The following COL5A3 variants were observed in gnomAD, a reference collection of about 807,000 sequenced individuals.
COL5A3 encodes collagen alpha-3(V) chain.
In COL5A3, 172 loss-of-function variants were observed where a neutral mutation model predicts 250.0. That is an observed-to-expected ratio of 0.69 (90% CI 0.61 to 0.78). COL5A3 has a LOEUF of 0.78. COL5A3 is among the 30% of genes least tolerant of loss of function. The pLI is 0.00. For synonymous variants in COL5A3, 937 were observed against 900.4 expected, an observed-to-expected ratio of 1.04 and a Z score of -0.73; for missense variants, 2,340 against 2,334.4, an observed-to-expected ratio of 1.00 and a Z score of -0.05.
chr19:9,989,174 G>A lies in COL5A3; in HGVS notation c.2095C>T (p.Pro699Ser), dbSNP rs199960060. ...GPTGEKGAQG[P>S]PGSAGPPGYP... ...CCCGGAGGGCCTGCCGACCCTGGTG[G>A]ACCCTGGGAGGAAAATAAGGTCAGT... The change falls in exon 27 of 67, where the codon CCA (proline) becomes TCA (serine). Residue 699 changes from proline to serine, a missense_variant. By Grantham distance (74) the Pro-to-Ser change is moderately conservative. Coordinates refer to ENST00000264828, the MANE Select transcript of COL5A3 (RefSeq NM_015719.4). 4.5e-5 allele frequency: 72 copies of A among 1,614,162 alleles called. No individual in the cohort carries two copies. The East Asian group carries it at 1.5e-3, about 33-fold the overall frequency.
rs1568428080 is a variant in COL5A3 at position 9,997,294 on chromosome 19, C to G, written c.1263+77G>C. 59 of 1,117,428 alleles carry G rather than the reference C, an allele frequency of 5.3e-5. No homozygotes were observed. The South Asian group carries it at 6.0e-4, about 11-fold the overall frequency. The allele number at this position is 1,117,428 out of a possible 1,614,324, so 69.2% of individuals were successfully genotyped here. ...GTTCCCGAGTGCCACACCCTCATAT[C>G]TATGTTCAGACTGTCACGCTCCCAG... On this transcript the variant is annotated intron_variant, in intron 11 of 66. Transcript: ENST00000264828.
chr19:9,973,520 T>G (rs2086880534), intron 50 of COL5A3, 50 bp downstream of exon 50: 1 of 1,577,424 alleles, frequency 6.3e-7, no homozygotes, highest in Admixed American at 1.7e-5. Context: ...TGCCCAGGGG[T>G]CAGGGGTTCC....
rs966088925 is a variant in COL5A3, at chr19:9,967,483, TCA to T, written c.4405-85_4405-84del. The T allele has an allele frequency of 2.5e-4, 206 of 812,098 alleles. 2 individuals carry two copies. The highest frequency in any genetic ancestry group is 7.3e-4 in the Middle Eastern group (3 of 4,122). 50.3% of individuals were successfully genotyped at this position (812,098 alleles called of 1,614,324 possible). On this transcript the variant is annotated intron_variant, in intron 61 of 66. Transcript: ENST00000264828. ...CATACACACAAACACACACACACAC[TCA>T]CACACACACTCACACACACACAGTC...
rs770181409 is a variant in COL5A3, at chr19:9,971,023, T to C, written c.3834A>G (p.Ile1278Met). 1 of 1,537,916 alleles carries C rather than the reference T, an allele frequency of 6.5e-7. No homozygotes were observed. Among genetic ancestry groups the C allele is most frequent in the Admixed American group, 2.2e-5 (1 of 45,744 alleles). The change falls in exon 53 of 67, where the codon ATA (isoleucine) becomes ATG (methionine). Residue 1278 changes from isoleucine to methionine, a missense_variant. Transcript: ENST00000264828. The stretch of plus-strand genomic sequence containing the variant: ...CTCCCTTCTCCCCTGGGGAACCATC[T>C]ATGCCCTGCATGGGGGGAAGACAGA... ...GPPGDPGVSG[I>M]DGSPGEKGDP...
rs142090102 is a variant in COL5A3, at chr19:9,993,080, G to A, written c.1750-13C>T. The A allele has an allele frequency of 2.3e-4, 371 of 1,613,628 alleles. No homozygotes were observed. The African/African-American group carries it at 3.9e-3, about 17-fold the overall frequency. On this transcript the variant is annotated splice_polypyrimidine_tract_variant and intron_variant, in intron 19 of 66. Transcript: ENST00000264828. ...GTCCCTCTGCTCCCTGTGGAAAAGC[G>A]TCATTACTTGGGAACAGGAAGGTAC... is the stretch of plus-strand genomic sequence containing the variant.
intron 41 of COL5A3, 37 bp from the exon 42 acceptor site, chr19:9,977,738 T>C (rs779295146): frequency 1.1e-5 from 16 of 1,462,342 alleles, no homozygotes; most frequent in Non-Finnish European, 1.1e-5. Flanking sequence ...ATAATACCAG[T>C]AGTAGCTGTC....
intron 1 of COL5A3, 89 bp from the exon 2 acceptor site, chr19:10,006,320 T>C: frequency 7.8e-7 from 1 of 1,279,698 alleles, no homozygotes. Context: ...TCAGGGTTTT[T>C]TTAGGGGGCT....
At chr19:9,966,790 G>T in intron 62 of COL5A3, 44 bp from the exon 63 acceptor site, 1 of 1,385,510 alleles carries the variant, frequency 7.2e-7, no homozygotes, top group Non-Finnish European at 9.8e-7. Context: ...GGAGATGGGG[G>T]AGGGAGAGAG....
In COL5A3 at chr19:9,966,437, GC is replaced by G; in HGVS notation, c.4670-12del. 6.3e-7 allele frequency: 1 copy of G among 1,587,068 alleles called. No individual in the cohort carries two copies. The highest frequency in any genetic ancestry group is 8.6e-7 in the Non-Finnish European group (1 of 1,162,984). ...CAATCCAGTATTCCCCTGCCGCAGA[GC>G]CAGGCAGGGTGGGTGAGTCCGGATG... On this transcript the variant is annotated splice_polypyrimidine_tract_variant and intron_variant, in intron 63 of 66. Transcript: ENST00000264828.
chr19:9,979,470 G>A, intron 37 of COL5A3, 53 bp from the exon 38 acceptor site: 1 of 1,587,686 alleles, frequency 6.3e-7, no homozygotes, highest in Non-Finnish European at 8.6e-7. Flanking sequence ...AGGGATGGAG[G>A]AGCAGGAGAC....
chr19:9,996,139 A>G lies in COL5A3; in HGVS notation c.1480-20T>C. 6.4e-7 allele frequency: 1 copy of G among 1,562,076 alleles called. No homozygotes were observed. The highest frequency in any genetic ancestry group is 8.6e-7 in the Non-Finnish European group (1 of 1,156,792). ...GAGACCCTTGGGGGAGGAGAGATGGAGGAGTGTGGGTAGATGATTCTTCAC... is the reference window on the plus strand; with the variant it reads ...GAGACCCTTGGGGGAGGAGAGATGGGGGAGTGTGGGTAGATGATTCTTCAC... On this transcript the variant is annotated intron_variant, in intron 14 of 66. Transcript: ENST00000264828.
Position 9,966,701 on chromosome 19 carries a change from C to T in COL5A3, c.4504G>A (p.Val1502Ile). ...TCCACGACTGGAAGCGGGACTGGGA[C>T]GAAGCGCCGGCGCCTGCGCAGCCCA... ...LHGLRRRRRFVPVPLPVVEGG... is the reference protein window; with the variant it reads ...LHGLRRRRRFIPVPLPVVEGG... The change falls in exon 63 of 67, where the codon GTC (valine) becomes ATC (isoleucine). Residue 1502 changes from valine (V) to isoleucine (I), a missense_variant. This residue lies in a region of COL5A3 where 1,179 missense variants were observed against 1,162.6 expected (regional missense o/e 1.01). Transcript: ENST00000264828. 3 of 1,538,048 alleles carry T rather than the reference C, an allele frequency of 2.0e-6. No homozygotes were observed. In the Middle Eastern group the frequency reaches 5.4e-4, roughly 279 times the overall value.
Position 10,005,609 on chromosome 19 carries a change from T to C in COL5A3, c.543A>G (p.Ile181Met), listed in dbSNP as rs1315028611. Residue 181 changes from isoleucine (I) to methionine (M), a missense_variant, in exon 4 of 67, where the codon ATA becomes ATG. This residue lies in a region of COL5A3 where 1,152 missense variants were observed against 1,146.3 expected (regional missense o/e 1.00). Transcript: ENST00000264828. ...GGGTCCCCAGCACAGTGAGTCCAGC[T>C]ATGCTGATGAAGCGGGGGCCATGGC... ...VLGHGPRFIS[I>M]AGLTVLGTQD... is the part of the protein sequence containing the mutation. 6.2e-7 allele frequency: 1 copy of C among 1,614,036 alleles called. No individual in the cohort carries two copies. Among genetic ancestry groups the C allele is most frequent in the Non-Finnish European group, 8.5e-7 (1 of 1,180,008 alleles).
At chr19:9,969,837 C>T (rs2086803341) in intron 55 of COL5A3, 32 bp downstream of exon 55, 2 of 1,612,784 alleles carry the variant, frequency 1.2e-6, no homozygotes, top group South Asian at 1.1e-5. Context: ...TAGAGTAGTG[C>T]AGGGACCCTT....
At chr19:9,992,212 C>T (rs1048521416) in intron 21 of COL5A3, among the ~76,000 whole-genome samples, 164 bp from the exon 22 acceptor site, 4 of 151,682 alleles carry the variant, frequency 2.6e-5, no homozygotes, top group South Asian at 2.1e-4. Context: ...CACCTGAGGT[C>T]GGGAGTTTAA....
In COL5A3 at chr19:10,009,618, G is replaced by A. The variant is rs2087497216; in HGVS notation, c.88+680C>T. On this transcript the variant is annotated intron_variant, in intron 1 of 66. Coordinates refer to ENST00000264828, the MANE Select transcript of COL5A3 (RefSeq NM_015719.4). The surrounding 1 kb of genome is among the most constrained non-coding windows in gnomAD (Gnocchi z 4.4). ...GCTCTGGGGACCGCGGGGTGGGGGA[G>A]GGGGCAACAGGGAGGGAGGGGAGGA... 6.6e-6 allele frequency among the ~76,000 whole-genome samples: 1 copy of A among 152,126 alleles called. No individual in the cohort carries two copies. The highest frequency in any genetic ancestry group is 2.4e-5 in the African/African-American group (1 of 41,418).
Position 9,969,652 on chromosome 19 carries a change from T to A in COL5A3, c.4021A>T (p.Arg1341Trp). The change falls in exon 56 of 67, where the codon AGG becomes TGG. Residue 1341 changes from arginine (R) to tryptophan (W), a missense_variant. Arg to Trp is a moderately radical substitution (Grantham distance 101). Around this residue, in one of 3 missense-constraint regions of COL5A3, gnomAD observed 1,179 missense variants for 1,162.6 expected, o/e 1.01. Transcript: ENST00000264828. ...CCTCTAGCCCCCATTGGACCCGTCC[T>A]CCCTGGGGGCCCATCAGGACCTGGC... ...GEPGPDGPPG[R>W]TGPMGARGPP... is the part of the protein sequence containing the mutation. 3 of 1,588,360 alleles carry A rather than the reference T, an allele frequency of 1.9e-6. No individual in the cohort carries two copies. The highest frequency in any genetic ancestry group is 2.6e-6 in the Non-Finnish European group (3 of 1,173,590).
intron 8 of COL5A3, 27 bp downstream of exon 8, chr19:10,001,497 C>A (rs1269996839): frequency 6.8e-6 from 11 of 1,611,500 alleles, no homozygotes; most frequent in Non-Finnish European, 9.3e-6. Flanking sequence ...CTCTCTTGCA[C>A]CTAACCCCAG....
At chr19:10,002,126 C>G (rs1467737033) in intron 6 of COL5A3, among the ~76,000 whole-genome samples, 1 of 152,176 alleles carries the variant, frequency 6.6e-6, no homozygotes, top group East Asian at 1.9e-4. Flanking sequence ...TGGTCAAGGT[C>G]AAGGTCCAAC....
Sources: allele counts gnomAD v4.1 joint callset (sites outside exome capture counted in the v4.1 genomes callset), GRCh38; gene constraint gnomAD v4.1.1; regional missense constraint gnomAD v4.1.1; non-coding constraint Gnocchi (gnomAD v3.1); transcripts MANE v1.5; gene names NCBI Gene and HGNC (gene_info 2026-07-23, HGNC 2026-07-21).